The following PTPRN2 variants were observed in gnomAD, a reference collection of about 807,000 sequenced individuals.
The protein encoded by PTPRN2 is protein tyrosine phosphatase receptor type N2.
A neutral mutation model predicts 118.8 loss-of-function variants in PTPRN2; 74 were observed. That is an observed-to-expected ratio of 0.62 (90% CI 0.52 to 0.76). The LOEUF is 0.76. Ranked by LOEUF, PTPRN2 falls within the 30% of genes least tolerant of loss-of-function variation. The pLI, the probability that PTPRN2 is intolerant of heterozygous loss-of-function variation, is 0.00. For synonymous variants in PTPRN2, 641 were observed against 608.0 expected (o/e 1.05, Z -0.80); for missense variants, 1,481 against 1,394.4 (o/e 1.06, Z -0.99).
chr7:157,854,499 C>T (rs1056233720), intron 12 of PTPRN2: 1 of 152,344 alleles, frequency 6.6e-6, no homozygotes, highest in Non-Finnish European at 1.5e-5. Flanking sequence ...AAGACAGTTC[C>T]TCTTCTTAAA....
intron 5 of PTPRN2, among the ~76,000 whole-genome samples, chr7:158,168,878 G>A (rs954671462): frequency 7.9e-5 from 12 of 152,052 alleles, no homozygotes; most frequent in Admixed American, 2.0e-4. Flanking sequence ...CTCTGACTTG[G>A]GCTTCATCAA....
intron 3 of PTPRN2, among the ~76,000 whole-genome samples, chr7:158,212,865 C>T (rs556584843): frequency 8.6e-5 from 13 of 152,022 alleles, no homozygotes; most frequent in South Asian, 2.1e-4. Flanking sequence ...GTACTGTATC[C>T]GGGAGCCAAT....
intron 12 of PTPRN2, among the ~76,000 whole-genome samples, chr7:157,771,631 G>A (rs1163088371): frequency 1.3e-5 from 2 of 152,150 alleles, no homozygotes; most frequent in Admixed American, 6.5e-5. Flanking sequence ...TGGCAAAGCA[G>A]TGCAAAGGGC....
In PTPRN2 at chr7:158,470,684, A is replaced by G. The variant is rs548932862; in HGVS notation, c.163+19051T>C. Among the ~76,000 whole-genome samples, 286 of 152,316 alleles carry G rather than the reference A, an allele frequency of 1.9e-3. 2 individuals are homozygous for G. Among genetic ancestry groups the G allele is most frequent in the African/African-American group, 6.3e-3 (262 of 41,560 alleles). The stretch of plus-strand genomic sequence containing the variant: ...CACTTGACCAGTCTTCAAAAAATTA[A>G]AAAGGAACAAATGTATACAGTGGGA... On this transcript the variant is annotated intron_variant, in intron 2 of 22. Coordinates refer to ENST00000389418, the MANE Select transcript of PTPRN2 (RefSeq NM_002847.5).
intron 6 of PTPRN2, among the ~76,000 whole-genome samples, chr7:158,144,802 G>C (rs745398434): frequency 6.6e-6 from 1 of 152,196 alleles, no homozygotes; most frequent in African/African-American, 2.4e-5. Context: ...GATGAGTCCT[G>C]CTTAACACAA....
chr7:158,125,790 C>T lies in PTPRN2; in HGVS notation c.1556+7887G>A, dbSNP rs181350825. On this transcript the variant is annotated intron_variant, in intron 9 of 22. Transcript: ENST00000389418. Reference sequence around the variant, plus strand: ...ACAGAACCCCTGAAATCTGCCCTGGCGCCAGAAACACAGAATCCATCTTCA... The same window carrying T: ...ACAGAACCCCTGAAATCTGCCCTGGTGCCAGAAACACAGAATCCATCTTCA... Among the ~76,000 whole-genome samples, 9 of 152,224 alleles carry T rather than the reference C, an allele frequency of 5.9e-5. No homozygotes were observed. The South Asian group carries it at 6.2e-4, about 11-fold the overall frequency.
chr7:157,839,867 C>CCG, intron 12 of PTPRN2, among the ~76,000 whole-genome samples: 1 of 142,452 alleles, frequency 7.0e-6, no homozygotes, highest in African/African-American at 2.7e-5. Context: ...GACTGTGTGA[C>CCG]CGTGTGGAGT....
chr7:158,510,487 T>C (rs1823103078), intron 1 of PTPRN2, among the ~76,000 whole-genome samples: 1 of 151,254 alleles, frequency 6.6e-6, no homozygotes, highest in African/African-American at 2.4e-5. Context: ...TCACCCAGAG[T>C]CCAGGCTAAG....
chr7:157,909,941 C>T (rs953489448), intron 11 of PTPRN2, among the ~76,000 whole-genome samples: 1 of 152,176 alleles, frequency 6.6e-6, no homozygotes, highest in South Asian at 2.1e-4. Flanking sequence ...CTAGTGGCAG[C>T]GTTAAAGCAT....
At chr7:158,221,894 C>G (rs1477269515) in intron 3 of PTPRN2, among the ~76,000 whole-genome samples, 1 of 151,878 alleles carries the variant, frequency 6.6e-6, no homozygotes, top group Admixed American at 6.6e-5. Flanking sequence ...AAAAAAGCAG[C>G]CCCATTAAAA....
rs11979227 is a variant in PTPRN2, at chr7:158,102,428, C to T, written c.1643+8401G>A. ...CTTCCTCCCTCCCATGGCTCCAGGC[C>T]GCCCTGCTGCTCATGGAGGCACCTC... On this transcript the variant is annotated intron_variant, in intron 10 of 22. Transcript: ENST00000389418. 4.7e-3 allele frequency among the ~76,000 whole-genome samples: 719 copies of T among 152,306 alleles called. 5 individuals carry two copies. Among genetic ancestry groups the T allele is most frequent in the African/African-American group, 0.012 (511 of 41,576 alleles).
chr7:158,451,900 C>T (rs755530330), intron 2 of PTPRN2, among the ~76,000 whole-genome samples: 1 of 152,042 alleles, frequency 6.6e-6, no homozygotes, highest in Non-Finnish European at 1.5e-5. Context: ...TGTAAAATTC[C>T]ATTATATTTT....
intron 9 of PTPRN2, among the ~76,000 whole-genome samples, chr7:158,122,508 C>A (rs1286405543): frequency 6.6e-6 from 1 of 152,096 alleles, no homozygotes; most frequent in Non-Finnish European, 1.5e-5. Context: ...AAAATGACTA[C>A]GGGAGTGTCA....
intron 11 of PTPRN2, among the ~76,000 whole-genome samples, chr7:157,940,651 A>C (rs574642587): frequency 3.0e-4 from 27 of 89,894 alleles, no homozygotes; most frequent in African/African-American, 8.1e-4. Flanking sequence ...CACCCTCCCC[A>C]CCGTGACACT....
At chr7:157,737,226 G>T (rs766152502) in intron 12 of PTPRN2, among the ~76,000 whole-genome samples, 2 of 152,244 alleles carry the variant, frequency 1.3e-5, no homozygotes, top group Non-Finnish European at 2.9e-5. Context: ...TCACCAGACG[G>T]CCTGGCGAGC....
At chr7:158,106,695 C>T (rs1002283259) in intron 10 of PTPRN2, among the ~76,000 whole-genome samples, 6 of 152,176 alleles carry the variant, frequency 3.9e-5, no homozygotes, top group African/African-American at 1.4e-4. Flanking sequence ...CCCTGCTCCC[C>T]GAAGGTGATA....
chr7:158,276,205 G>A (rs867169512), intron 3 of PTPRN2, among the ~76,000 whole-genome samples: 3 of 115,716 alleles, frequency 2.6e-5, no homozygotes, highest in East Asian at 5.3e-4. Flanking sequence ...CTCCTGCCCT[G>A]GCCCCGGCAG....
At position 158,525,356 on chromosome 7, in the gene PTPRN2, A is replaced by G. The variant is rs996741173; in HGVS notation, c.113-35571T>C. ...AGCAGAAGCTGCAGCAGAAGGTAGC[A>G]CGGGCAGGATGCTAGGCCCCAGGGG... On this transcript the variant is annotated intron_variant, in intron 1 of 22. Transcript: ENST00000389418. The surrounding 1 kb of genome is among the most constrained non-coding windows in gnomAD (Gnocchi z 4.1). Among the ~76,000 whole-genome samples, 4 of 152,222 alleles carry G rather than the reference A, an allele frequency of 2.6e-5. No individual in the cohort carries two copies. Among genetic ancestry groups the G allele is most frequent in the Admixed American group, 1.3e-4 (2 of 15,286 alleles).
At position 158,546,150 on chromosome 7, in the gene PTPRN2, G is replaced by A. The variant is rs1476899443; in HGVS notation, c.112+41408C>T. 1.3e-5 allele frequency among the ~76,000 whole-genome samples: 2 copies of A among 152,226 alleles called. No individual in the cohort carries two copies. Among genetic ancestry groups the A allele is most frequent in the Non-Finnish European group, 1.5e-5 (1 of 68,036 alleles). ...CATGCAGAAAAGCAGGACTGGGTGT[G>A]AGCATGAGGACAGGAAGGGGGAAGG... On this transcript the variant is annotated intron_variant, in intron 1 of 22. Transcript: ENST00000389418. This position sits in a 1 kb window ranked among gnomAD's most constrained non-coding sequence, Gnocchi z 5.0.
Sources: gnomAD v4.1 joint callset for allele counts (sites outside exome capture counted in the v4.1 genomes callset) on GRCh38, gnomAD v4.1.1 for gene constraint, Gnocchi (gnomAD v3.1) non-coding constraint, MANE v1.5 for transcripts, NCBI Gene and HGNC (gene_info 2026-07-23, HGNC 2026-07-21) for gene names.